PARD3: variants seen among roughly 807,000 people sequenced by gnomAD.
PARD3 encodes partitioning defective 3 homolog.
A neutral mutation model predicts 155.4 loss-of-function variants in PARD3; 75 were observed. The ratio of observed to expected loss-of-function variants is 0.48; its 90% CI spans 0.40 to 0.58. The LOEUF (loss-of-function observed/expected upper bound fraction) is 0.58. Among genes scored for constraint, PARD3 ranks in the 20% least tolerant of loss-of-function variants. The pLI, the probability that PARD3 is intolerant of heterozygous loss-of-function variation, is 0.00. For synonymous variants in PARD3, 576 were observed against 610.5 expected (o/e 0.94, Z 0.83); for missense variants, 1,642 against 1,721.7 (o/e 0.95, Z 0.82).
chr10:34,255,315 T>C (rs1435863093), intron 22 of PARD3, among the ~76,000 whole-genome samples: 1 of 152,176 alleles, frequency 6.6e-6, no homozygotes, highest in Non-Finnish European at 1.5e-5. Flanking sequence ...TGTACCTTGC[T>C]CAACTGGTCC....
intron 12 of PARD3, among the ~76,000 whole-genome samples, chr10:34,370,230 C>T (rs1179134140): frequency 1.3e-5 from 2 of 152,162 alleles, no homozygotes; most frequent in African/African-American, 2.4e-5. Context: ...AGAAGTCAGA[C>T]ACATGTAAAA....
Position 34,401,927 on chromosome 10 carries a change from G to A in PARD3, c.715-10C>T. The A allele has an allele frequency of 6.2e-7, 1 of 1,605,656 alleles. No individual in the cohort carries two copies. The highest frequency in any genetic ancestry group is 2.2e-5 in the East Asian group (1 of 44,806). On this transcript the variant is annotated splice_polypyrimidine_tract_variant and intron_variant, in intron 5 of 24. Transcript: ENST00000374788. Reference sequence around the variant, plus strand: ...CTGTCCCATCCTCATCCTAGAGGCAGCCAACACAAAGAAAAGTACACTCTG... The same window carrying A: ...CTGTCCCATCCTCATCCTAGAGGCAACCAACACAAAGAAAAGTACACTCTG...
chr10:34,463,373 G>A (rs987091861), intron 4 of PARD3, among the ~76,000 whole-genome samples: 6 of 129,786 alleles, frequency 4.6e-5, no homozygotes, highest in Admixed American at 1.5e-4. Context: ...GGAGGGGAGG[G>A]GAGGGGAAGG....
chr10:34,742,290 G>T (rs74395492), intron 1 of PARD3, among the ~76,000 whole-genome samples: 8 of 152,244 alleles, frequency 5.3e-5, no homozygotes, highest in African/African-American at 1.9e-4. Flanking sequence ...CAATGTAAGG[G>T]GGGGACCAAA....
At chr10:34,785,659 C>T (rs1388384218) in intron 1 of PARD3, among the ~76,000 whole-genome samples, 1 of 151,982 alleles carries the variant, frequency 6.6e-6, no homozygotes, top group Non-Finnish European at 1.5e-5. Flanking sequence ...ATTGCCTGAG[C>T]CCAGGATTTC....
rs568487212 is a variant in PARD3 at position 34,447,118 on chromosome 10, T to C, written c.714+3199A>G. Reference sequence around the variant, plus strand: ...ACTGAAAAATGATCAGCATCACTCATCACCAGGGAAATGTAAATCAAAAGC... The same window carrying C: ...ACTGAAAAATGATCAGCATCACTCACCACCAGGGAAATGTAAATCAAAAGC... On this transcript the variant is annotated intron_variant, in intron 5 of 24. Transcript: ENST00000374788. Among the ~76,000 whole-genome samples the C allele has an allele frequency of 2.6e-5, 4 of 152,238 alleles. No homozygotes were observed. In the South Asian group the frequency reaches 6.2e-4, roughly 24 times the overall value.
intron 1 of PARD3, among the ~76,000 whole-genome samples, chr10:34,748,738 C>T (rs1835623948): frequency 6.6e-6 from 1 of 152,182 alleles, no homozygotes; most frequent in African/African-American, 2.4e-5. Flanking sequence ...GAAGTGGCTT[C>T]ATTCATGAAG....
chr10:34,456,087 T>C (rs1042699745), intron 4 of PARD3, among the ~76,000 whole-genome samples: 5 of 152,192 alleles, frequency 3.3e-5, no homozygotes, highest in South Asian at 2.1e-4. Flanking sequence ...AACAGAACTA[T>C]GGCAAGACAA....
intron 12 of PARD3, among the ~76,000 whole-genome samples, chr10:34,366,024 G>A (rs897426143): frequency 3.9e-5 from 6 of 152,170 alleles, no homozygotes; most frequent in African/African-American, 1.4e-4. Context: ...ACACATGACT[G>A]AATTTTCTAC....
At chr10:34,326,233 G>A (rs1434097186) in intron 19 of PARD3, among the ~76,000 whole-genome samples, 8 of 151,036 alleles carry the variant, frequency 5.3e-5, no homozygotes, top group African/African-American at 2.0e-4. Context: ...CCTAGAAAAA[G>A]AAATGCAGAG....
chr10:34,624,255 T>C (rs987423563), intron 2 of PARD3, among the ~76,000 whole-genome samples: 2 of 152,168 alleles, frequency 1.3e-5, no homozygotes, highest in African/African-American at 4.8e-5. Flanking sequence ...CCCTTTCTGC[T>C]GGGAAGGTAG....
At chr10:34,338,534 T>C (rs1479245490) in intron 16 of PARD3, among the ~76,000 whole-genome samples, 1 of 152,210 alleles carries the variant, frequency 6.6e-6, no homozygotes, top group Non-Finnish European at 1.5e-5. Flanking sequence ...CTCCTTCCAC[T>C]GTCAGCTGAA....
At chr10:34,416,546 T>TC (rs1845696226) in intron 5 of PARD3, among the ~76,000 whole-genome samples, 2 of 152,154 alleles carry the variant, frequency 1.3e-5, no homozygotes, top group Non-Finnish European at 2.9e-5. Flanking sequence ...GGGCCAGGCT[T>TC]CCCTCAGGCA....
chr10:34,299,153 T>C (rs1027622191), intron 20 of PARD3, among the ~76,000 whole-genome samples: 2 of 152,228 alleles, frequency 1.3e-5, no homozygotes, highest in Non-Finnish European at 2.9e-5. Context: ...CAACCCACAG[T>C]GGCCAACAGA....
intron 22 of PARD3, among the ~76,000 whole-genome samples, chr10:34,232,311 C>T (rs1042874875): frequency 1.8e-4 from 28 of 152,058 alleles, no homozygotes; most frequent in Admixed American, 1.8e-3. Context: ...ATGACTGGAC[C>T]TGGATATGAC....
chr10:34,487,039 A>C (rs1189631458), intron 3 of PARD3, among the ~76,000 whole-genome samples: 1 of 151,954 alleles, frequency 6.6e-6, no homozygotes, highest in East Asian at 1.9e-4. Flanking sequence ...AGACGTCATA[A>C]CTCAGAATTT....
intron 2 of PARD3, among the ~76,000 whole-genome samples, chr10:34,625,575 G>A (rs981688157): frequency 5.3e-5 from 8 of 152,132 alleles, no homozygotes; most frequent in Admixed American, 3.3e-4. Context: ...GAGGGTTTTC[G>A]ACTTGAAAAC....
intron 4 of PARD3, 140 bp downstream of exon 4, chr10:34,469,945 G>GA (rs1172283638): frequency 1.0e-5 from 6 of 581,132 alleles, no homozygotes; most frequent in Admixed American, 3.6e-5. Context: ...ACTTTGATAT[G>GA]AAAGTTGGTA....
intron 22 of PARD3, among the ~76,000 whole-genome samples, chr10:34,236,927 A>G (rs2133615170): frequency 6.6e-6 from 1 of 152,314 alleles, no homozygotes; most frequent in South Asian, 2.1e-4. Flanking sequence ...TATTCCCAAT[A>G]TTTATCAAAG....
Sources: gnomAD v4.1 joint callset for allele counts (sites outside exome capture counted in the v4.1 genomes callset) on GRCh38, gnomAD v4.1.1 for gene constraint, MANE v1.5 for transcripts, NCBI Gene and HGNC (gene_info 2026-07-23, HGNC 2026-07-21) for gene names.